NAALADL2: variants seen among roughly 807,000 people sequenced by gnomAD.
NAALADL2 encodes inactive N-acetylated-alpha-linked acidic dipeptidase-like protein 2.
NAALADL2 carries 76 observed loss-of-function variants against 87.2 expected under a neutral mutation model. The observed-to-expected ratio is 0.87, with a 90% confidence interval of 0.72 to 1.05. The LOEUF is 1.05. Among genes scored for constraint, NAALADL2 ranks in the 50% least tolerant of loss-of-function variants. NAALADL2 has a pLI of 0.00. For synonymous variants in NAALADL2, 354 were observed against 331.0 expected, an observed-to-expected ratio of 1.07 and a Z score of -0.75; for missense variants, 1,089 against 945.8, an observed-to-expected ratio of 1.15 and a Z score of -1.99.
chr3:174,787,597 A>G (rs532749290), intron 3 of NAALADL2, among the ~76,000 whole-genome samples: 15 of 75,700 alleles, frequency 2.0e-4, no homozygotes, highest in Admixed American at 6.6e-4. Flanking sequence ...ATATATATAT[A>G]TATATATATA....
At chr3:174,956,990 C>T (rs1166227263) in intron 1 of NAALADL2, among the ~76,000 whole-genome samples, 3 of 152,010 alleles carry the variant, frequency 2.0e-5, no homozygotes, top group Admixed American at 1.3e-4. Flanking sequence ...TCAGTACTCA[C>T]CGCTTTTACT....
At chr3:175,504,565 TTCTCTCTC>T (rs200985901) in intron 9 of NAALADL2, among the ~76,000 whole-genome samples, 5,099 of 134,240 alleles carry the variant, frequency 0.038, 118 homozygotes, top group Admixed American at 0.05. Flanking sequence ...CTCTCTCTGT[TTCTCTCTC>T]TCTCTCTCTC....
chr3:175,144,248 A>C (rs1730437617), intron 2 of NAALADL2, among the ~76,000 whole-genome samples: 1 of 151,968 alleles, frequency 6.6e-6, no homozygotes, highest in African/African-American at 2.4e-5. Context: ...GGAATTTTAA[A>C]GTGTGCAGAG....
chr3:174,833,345 A>G (rs181488921), intron 3 of NAALADL2, among the ~76,000 whole-genome samples: 9 of 152,170 alleles, frequency 5.9e-5, no homozygotes, highest in African/African-American at 1.9e-4. Flanking sequence ...CATACTATCA[A>G]TACTGACTCA....
At chr3:174,933,205 T>A (rs1361776413) in intron 1 of NAALADL2, among the ~76,000 whole-genome samples, 1 of 152,236 alleles carries the variant, frequency 6.6e-6, no homozygotes, top group East Asian at 1.9e-4. Context: ...TAAGGGCATT[T>A]ATACTGAATA....
chr3:174,624,435 C>T (rs1220263945), intron 2 of NAALADL2, among the ~76,000 whole-genome samples: 3 of 151,992 alleles, frequency 2.0e-5, no homozygotes, highest in South Asian at 4.2e-4. Flanking sequence ...TCCAGCCTGG[C>T]CAACATGGTG....
Position 175,099,396 on chromosome 3 carries a change from T to C in NAALADL2, c.545+2105T>C, listed in dbSNP as rs114033219. The stretch of plus-strand genomic sequence containing the variant: ...GTAGTTAGACACAGATTAACAATTA[T>C]GGGTCCATGAAGTAGCCATATTTGT... On this transcript the variant is annotated intron_variant, in intron 2 of 13. Coordinates refer to ENST00000454872, the MANE Select transcript of NAALADL2 (RefSeq NM_207015.3). 6.0e-3 allele frequency among the ~76,000 whole-genome samples: 911 copies of C among 152,308 alleles called. 12 individuals are homozygous for C. The highest frequency in any genetic ancestry group is 0.021 in the African/African-American group (880 of 41,566).
chr3:174,944,345 C>A (rs1739079942), intron 1 of NAALADL2, among the ~76,000 whole-genome samples: 1 of 152,122 alleles, frequency 6.6e-6, no homozygotes, highest in African/African-American at 2.4e-5. Context: ...CTGGGGAATT[C>A]CTTCTGCCCC....
intron 2 of NAALADL2, among the ~76,000 whole-genome samples, chr3:174,607,716 G>C (rs966804381): frequency 6.6e-5 from 10 of 152,184 alleles, no homozygotes; most frequent in African/African-American, 2.2e-4. Flanking sequence ...CATTAATAAT[G>C]GGAGACTTTA....
At chr3:175,035,482 A>T (rs536626053) in intron 1 of NAALADL2, among the ~76,000 whole-genome samples, 16 of 152,176 alleles carry the variant, frequency 1.1e-4, no homozygotes, top group Middle Eastern at 3.4e-3. Flanking sequence ...GCTTTATGCT[A>T]TGGGCCTTTT....
intron 2 of NAALADL2, among the ~76,000 whole-genome samples, chr3:175,145,873 A>ACTCT (rs3066295): frequency 0.61 from 83,997 of 138,170 alleles, 23,442 homozygotes; most frequent in East Asian, 0.75. Flanking sequence ...TTTGAAATGT[A>ACTCT]CTCTTTTGAC....
intron 10 of NAALADL2, among the ~76,000 whole-genome samples, chr3:175,625,431 T>C (rs1483119520): frequency 6.6e-6 from 1 of 152,022 alleles, no homozygotes; most frequent in East Asian, 1.9e-4. Flanking sequence ...AAAGAGAATA[T>C]TGCAATGCGA....
intron 12 of NAALADL2, among the ~76,000 whole-genome samples, chr3:175,741,367 C>T (rs1469097492): frequency 1.3e-5 from 2 of 152,060 alleles, no homozygotes; most frequent in African/African-American, 2.4e-5. Flanking sequence ...TCTGGCCTCA[C>T]GAACTAATCA....
At chr3:175,181,877 C>A (rs763316428) in intron 2 of NAALADL2, among the ~76,000 whole-genome samples, 36 of 150,860 alleles carry the variant, frequency 2.4e-4, no homozygotes, top group Non-Finnish European at 5.9e-5. Flanking sequence ...GATGATATCT[C>A]TTTGAGACAC....
chr3:175,241,218 A>C (rs1448359828), intron 3 of NAALADL2, among the ~76,000 whole-genome samples: 2 of 151,870 alleles, frequency 1.3e-5, no homozygotes, highest in African/African-American at 2.4e-5. Flanking sequence ...ATTTTTTAAA[A>C]AAAATTCATT....
At chr3:175,499,894 A>C (rs535661798) in intron 9 of NAALADL2, among the ~76,000 whole-genome samples, 16 of 152,190 alleles carry the variant, frequency 1.1e-4, no homozygotes, top group African/African-American at 3.1e-4. Flanking sequence ...GGGTCTGAGT[A>C]GAGTCTAAAA....
Position 174,638,336 on chromosome 3 carries a change from A to G in NAALADL2, c.-115+87699A>G, listed in dbSNP as rs549113667. Among the ~76,000 whole-genome samples, 211 of 152,316 alleles carry G rather than the reference A, an allele frequency of 1.4e-3. 1 individual carries two copies. The highest frequency in any genetic ancestry group is 2.6e-3 in the Non-Finnish European group (175 of 68,028). On this transcript the variant is annotated intron_variant, in intron 2 of 3. Coordinates refer to the NAALADL2 transcript ENST00000434257. ...TTTGTGTTGTTAAGAAACAGAATTT[A>G]GTGAAGACCAATTTTACAATATAGT...
intron 1 of NAALADL2, among the ~76,000 whole-genome samples, chr3:174,464,259 T>G (rs939075566): frequency 6.6e-6 from 1 of 152,104 alleles, no homozygotes; most frequent in African/African-American, 2.4e-5. Flanking sequence ...ACTGCAGTAT[T>G]CTAACCTTAT....
intron 2 of NAALADL2, among the ~76,000 whole-genome samples, chr3:175,125,720 G>A (rs991492302): frequency 1.3e-5 from 2 of 152,064 alleles, no homozygotes; most frequent in African/African-American, 2.4e-5. Context: ...GAACAGGTTC[G>A]AGAAGCCTAC....
Sources: gnomAD v4.1 joint callset for allele counts (sites outside exome capture counted in the v4.1 genomes callset) on GRCh38, gnomAD v4.1.1 for gene constraint, MANE v1.5 for transcripts, NCBI Gene and HGNC (gene_info 2026-07-23, HGNC 2026-07-21) for gene names.